NHSL3: variants seen among roughly 807,000 people sequenced by gnomAD.
NHSL3 encodes the protein NHS like 3.
chr1:32,773,257 C>T, the NHSL3 span: 1 of 319,200 alleles, frequency 3.1e-6, no homozygotes, highest in Non-Finnish European at 6.0e-6. Flanking sequence ...CCAAACCATG[C>T]ACATACTATA....
the NHSL3 span, chr1:32,742,138 C>T: frequency 8.0e-6 from 10 of 1,244,192 alleles, no homozygotes; most frequent in Admixed American, 4.2e-5. Flanking sequence ...GGCCGCCCCC[C>T]GGGCCAAGAA....
chr1:32,768,631 G>A, the NHSL3 span: 3 of 1,613,574 alleles, frequency 1.9e-6, no homozygotes, highest in South Asian at 2.2e-5. Flanking sequence ...GCCCCACCCA[G>A]ATCTCCTTCT....
the NHSL3 span, chr1:32,772,191 G>A: frequency 1.2e-6 from 2 of 1,612,788 alleles, no homozygotes; most frequent in Non-Finnish European, 8.5e-7. Context: ...CAGAACTCCG[G>A]AGCATCTCAG....
chr1:32,764,471 CTTTTTTTTT>C, the NHSL3 span, among the ~76,000 whole-genome samples: 1 of 142,380 alleles, frequency 7.0e-6, no homozygotes, highest in African/African-American at 2.6e-5. Flanking sequence ...TTGTTTTTTT[CTTTTTTTTT>C]TTTTTGAAAT....
the NHSL3 span, among the ~76,000 whole-genome samples, chr1:32,752,404 A>G: frequency 2.0e-5 from 3 of 152,146 alleles, no homozygotes; most frequent in Non-Finnish European, 2.9e-5. Context: ...TGAGGGCTCT[A>G]GACTTCCAGC....
chr1:32,771,690 A>C, the NHSL3 span: 1 of 1,611,730 alleles, frequency 6.2e-7, no homozygotes, highest in South Asian at 1.1e-5. Flanking sequence ...ACCCTCCTCC[A>C]GCTCCGCCAG....
chr1:32,753,982 C>T, the NHSL3 span: 2 of 373,824 alleles, frequency 5.4e-6, no homozygotes, highest in Non-Finnish European at 9.8e-6. Context: ...CTGGGGGCGC[C>T]CGCGGTGCCC....
chr1:32,751,908 C>T, the NHSL3 span, among the ~76,000 whole-genome samples: 5 of 152,124 alleles, frequency 3.3e-5, no homozygotes, highest in Non-Finnish European at 7.4e-5. Context: ...AAGGAACCTG[C>T]CACACTTCAG....
At chr1:32,744,168 G>C in the NHSL3 span, among the ~76,000 whole-genome samples, 4 of 152,104 alleles carry the variant, frequency 2.6e-5, no homozygotes, top group African/African-American at 7.2e-5. Context: ...GGAGGTCAGG[G>C]ATCTTTGCTG....
At chr1:32,749,552 TG>T in the NHSL3 span, among the ~76,000 whole-genome samples, 2 of 152,144 alleles carry the variant, frequency 1.3e-5, no homozygotes, top group Admixed American at 6.6e-5. Flanking sequence ...CAAGTTCACA[TG>T]GCCATCTAGT....
chr1:32,764,657 A>G, the NHSL3 span, among the ~76,000 whole-genome samples: 1 of 152,088 alleles, frequency 6.6e-6, no homozygotes, highest in Non-Finnish European at 1.5e-5. Flanking sequence ...ATTTTAGTAG[A>G]GACAGGGTTT....
At chr1:32,742,190 G>A in the NHSL3 span, 4 of 1,248,508 alleles carry the variant, frequency 3.2e-6, no homozygotes, top group Non-Finnish European at 4.0e-6. Context: ...AAAGGCCGAG[G>A]TAAGGCGGTC....
chr1:32,764,943 C>G, the NHSL3 span, among the ~76,000 whole-genome samples: 2 of 152,180 alleles, frequency 1.3e-5, no homozygotes. Context: ...GCCTGGTGAT[C>G]CAGGACAGAA....
chr1:32,752,849 G>A, the NHSL3 span, among the ~76,000 whole-genome samples: 2 of 148,836 alleles, frequency 1.3e-5, no homozygotes, highest in South Asian at 2.1e-4. Flanking sequence ...AAAATGCTGG[G>A]ATTACAGGTG....
chr1:32,770,910 A>G, the NHSL3 span: 1 of 1,610,808 alleles, frequency 6.2e-7, no homozygotes, highest in African/African-American at 1.3e-5. The surrounding 1 kb of genome is among the most constrained non-coding windows in gnomAD (Gnocchi z 8.3). Context: ...CAGAACGGAC[A>G]CTTTCGCCCT....
At chr1:32,764,131 G>A in the NHSL3 span, among the ~76,000 whole-genome samples, 1 of 152,102 alleles carries the variant, frequency 6.6e-6, no homozygotes, top group African/African-American at 2.4e-5. Flanking sequence ...ATAGTGCTGG[G>A]ATTACAGGTG....
the NHSL3 span, among the ~76,000 whole-genome samples, chr1:32,759,667 T>C: frequency 6.6e-6 from 1 of 152,164 alleles, no homozygotes; most frequent in Non-Finnish European, 1.5e-5. Context: ...AGGAGAGGGA[T>C]TCCGGCACAG....
At chr1:32,768,331 CACCTGTA>C in the NHSL3 span, among the ~76,000 whole-genome samples, 2 of 152,148 alleles carry the variant, frequency 1.3e-5, no homozygotes, top group Non-Finnish European at 2.9e-5. Flanking sequence ...AGGTGGCTTA[CACCTGTA>C]ACCCCAGCAC....
At chr1:32,771,302 C>G in the NHSL3 span, 4 of 1,603,160 alleles carry the variant, frequency 2.5e-6, no homozygotes, top group African/African-American at 5.4e-5. Context: ...CAGTCCCCTC[C>G]CACTCCCCAG....
Sources: gnomAD v4.1 joint callset for allele counts (sites outside exome capture counted in the v4.1 genomes callset) on GRCh38, gnomAD v4.1.1 for gene constraint, Gnocchi (gnomAD v3.1) non-coding constraint, MANE v1.5 for transcripts, NCBI Gene and HGNC (gene_info 2026-07-23, HGNC 2026-07-21) for gene names.